Variants in SIRPA observed in about 807,000 individuals in gnomAD.
The protein encoded by SIRPA is signal regulatory protein alpha.
SIRPA carries 9 observed loss-of-function variants against 50.3 expected under a neutral mutation model. The ratio of observed to expected loss-of-function variants is 0.18; its 90% CI spans 0.11 to 0.31. The LOEUF is 0.31. Ranked by LOEUF, SIRPA falls within the 10% of genes least tolerant of loss-of-function variation. The pLI, the probability that SIRPA is intolerant of heterozygous loss-of-function variation, is 1.00. For synonymous variants in SIRPA, 265 were observed against 284.1 expected, an observed-to-expected ratio of 0.93 and a Z score of 0.68; for missense variants, 474 against 661.6, an observed-to-expected ratio of 0.72 and a Z score of 3.11.
At chr20:1,910,846 C>T (rs1349213192) in intron 1 of SIRPA, among the ~76,000 whole-genome samples, 1 of 152,102 alleles carries the variant, frequency 6.6e-6, no homozygotes, top group Non-Finnish European at 1.5e-5. Flanking sequence ...TTGTTTAATA[C>T]CCTCCAGTTG....
chr20:1,918,257 G>A (rs894278775), intron 2 of SIRPA, among the ~76,000 whole-genome samples: 1 of 151,646 alleles, frequency 6.6e-6, no homozygotes, highest in Non-Finnish European at 1.5e-5. Context: ...GGAGTGCAAT[G>A]GCACCATCTC....
intron 1 of SIRPA, among the ~76,000 whole-genome samples, chr20:1,914,367 C>T (rs754561109): frequency 6.6e-6 from 1 of 152,204 alleles, no homozygotes; most frequent in Non-Finnish European, 1.5e-5. Context: ...TGTCCCCAGC[C>T]TTGGCTTATT....
intron 1 of SIRPA, among the ~76,000 whole-genome samples, chr20:1,910,733 A>G (rs542824128): frequency 4.6e-5 from 7 of 152,324 alleles, no homozygotes; most frequent in African/African-American, 1.4e-4. Flanking sequence ...GTGTTCATCC[A>G]ATTTAGAGAA....
chr20:1,908,589 T>C (rs1396967638), intron 1 of SIRPA, among the ~76,000 whole-genome samples: 2 of 152,172 alleles, frequency 1.3e-5, no homozygotes, highest in African/African-American at 4.8e-5. Context: ...ACACTCCTCC[T>C]TGTGCCCACC....
chr20:1,924,578 A>G lies in SIRPA; in HGVS notation c.1088-186A>G, dbSNP rs1433330254. Among the ~76,000 whole-genome samples the G allele has an allele frequency of 6.6e-6, 1 of 152,160 alleles. No homozygotes were observed. Among genetic ancestry groups the G allele is most frequent in the African/African-American group, 2.4e-5 (1 of 41,424 alleles). On this transcript the variant is annotated intron_variant, in intron 4 of 7. Transcript: ENST00000358771. This position sits in a 1 kb window ranked among gnomAD's most constrained non-coding sequence, Gnocchi z 4.5. ...CCTCAGCATGGTTTTTGTGCTGTTC[A>G]TGGATGAGTCTCGTGGGCAAGTGTG...
Position 1,934,762 on chromosome 20 carries a change from C to T in SIRPA, c.1266+8C>T. 6.2e-7 allele frequency: 1 copy of T among 1,613,952 alleles called. No homozygotes were observed. Among genetic ancestry groups the T allele is most frequent in the Non-Finnish European group, 8.5e-7 (1 of 1,179,946 alleles). On this transcript the variant is annotated splice_region_variant and intron_variant, in intron 7 of 7. Transcript: ENST00000358771. The surrounding 1 kb of genome is among the most constrained non-coding windows in gnomAD (Gnocchi z 4.6). ...GCCAGAGAAATAACACAGGTACAGT[C>T]CTTGGTGAGATGCCCTTCCTGGGAA...
chr20:1,918,412 A>G (rs1985440423), intron 2 of SIRPA, among the ~76,000 whole-genome samples: 1 of 127,014 alleles, frequency 7.9e-6, no homozygotes, highest in East Asian at 2.2e-4. Flanking sequence ...TGGTTTCATC[A>G]TGTTGGCCCG....
At chr20:1,910,558 G>A (rs555742318) in intron 1 of SIRPA, among the ~76,000 whole-genome samples, 5 of 152,126 alleles carry the variant, frequency 3.3e-5, no homozygotes, top group South Asian at 2.1e-4. Flanking sequence ...TTTATCGAGC[G>A]TCTACACTGT....
Position 1,937,498 on chromosome 20 carries a change from C to G in SIRPA, c.1445C>G (p.Pro482Arg). The G allele has an allele frequency of 6.2e-7, 1 of 1,614,116 alleles. No individual in the cohort carries two copies. Among genetic ancestry groups the G allele is most frequent in the Non-Finnish European group, 8.5e-7 (1 of 1,180,002 alleles). Reference sequence around the variant, plus strand: ...GACATGGTCCACCTCAACCGGACCCCCAAGCAGCCGGCCCCCAAGCCTGAG... The same window carrying G: ...GACATGGTCCACCTCAACCGGACCCGCAAGCAGCCGGCCCCCAAGCCTGAG... ...DLDMVHLNRT[P>R]KQPAPKPEPS... Residue 482 changes from proline (P) to arginine (R), a missense_variant, in exon 8 of 8, where the codon CCC (proline) becomes CGC (arginine). Physicochemically the swap from Pro to Arg is moderately radical, Grantham distance 103 (BLOSUM62 -2). Around this residue, in one of 4 missense-constraint regions of SIRPA, gnomAD observed 180 missense variants for 206.7 expected, o/e 0.87. Transcript: ENST00000358771. This position sits in a 1 kb window ranked among gnomAD's most constrained non-coding sequence, Gnocchi z 8.3.
rs527904578 is a variant in SIRPA at position 1,931,269 on chromosome 20, C to T, written c.1226+3370C>T. Among the ~76,000 whole-genome samples, 11 of 152,196 alleles carry T rather than the reference C, an allele frequency of 7.2e-5. No individual in the cohort carries two copies. The East Asian group carries it at 1.9e-3, about 27-fold the overall frequency. The stretch of plus-strand genomic sequence containing the variant: ...GTTCCCCAGCCACACTTTGGGAACC[C>T]CTGTTCTAGAAGGTTCTTATTCCCT... On this transcript the variant is annotated intron_variant, in intron 6 of 7. Coordinates refer to ENST00000358771, the MANE Select transcript of SIRPA (RefSeq NM_001040023.2).
At chr20:1,912,152 A>G (rs1326768581) in intron 1 of SIRPA, among the ~76,000 whole-genome samples, 2 of 151,626 alleles carry the variant, frequency 1.3e-5, no homozygotes, top group Non-Finnish European at 2.9e-5. Context: ...GCGCTACACA[A>G]CTCCAGATTT....
intron 2 of SIRPA, among the ~76,000 whole-genome samples, chr20:1,921,061 CAGTT>C (rs1985617839): frequency 6.6e-6 from 1 of 152,206 alleles, no homozygotes; most frequent in Non-Finnish European, 1.5e-5. Context: ...AGGGTAGAAA[CAGTT>C]AATACCAAGG....
rs1054255492 is a variant in SIRPA at position 1,898,134 on chromosome 20, C to A, written c.79+2608C>A. 1.3e-5 allele frequency among the ~76,000 whole-genome samples: 2 copies of A among 152,236 alleles called. No individual in the cohort carries two copies. Among genetic ancestry groups the A allele is most frequent in the African/African-American group, 2.4e-5 (1 of 41,460 alleles). ...GAGGAGGCCAAGCCAAGTTGCAGTT[C>A]AGGCTCTGGGGAGCAGCGGGGCCCC... On this transcript the variant is annotated intron_variant, in intron 1 of 7. Coordinates refer to ENST00000358771, the MANE Select transcript of SIRPA (RefSeq NM_001040023.2). The surrounding 1 kb of genome is among the most constrained non-coding windows in gnomAD (Gnocchi z 4.3).
chr20:1,895,913 T>TC (rs919179710), intron 1 of SIRPA, among the ~76,000 whole-genome samples: 3 of 152,196 alleles, frequency 2.0e-5, no homozygotes, highest in African/African-American at 7.2e-5. Context: ...CATACGACTT[T>TC]CCACATGTTT....
Position 1,928,050 on chromosome 20 carries a change from G to A in SIRPA, c.1226+151G>A, listed in dbSNP as rs1031776705. 10 of 752,818 alleles carry A rather than the reference G, an allele frequency of 1.3e-5. No individual in the cohort carries two copies. The highest frequency in any genetic ancestry group is 1.0e-4 in the African/African-American group (6 of 57,154). The allele number at this position is 752,818 out of a possible 1,614,324, so 46.6% of individuals were successfully genotyped here. A position where few individuals can be genotyped will look rare whatever the true frequency, so the allele number is the denominator to read the frequency against. The stretch of plus-strand genomic sequence containing the variant: ...CTCCTTTGTAACCTCCTCACACTGG[G>A]TCACGCTGTTTTTAATTATTGTCCC... On this transcript the variant is annotated intron_variant, in intron 6 of 7. Transcript: ENST00000358771. This position sits in a 1 kb window ranked among gnomAD's most constrained non-coding sequence, Gnocchi z 4.9.
chr20:1,904,780 C>T (rs1003628605), intron 1 of SIRPA, among the ~76,000 whole-genome samples: 6 of 152,172 alleles, frequency 3.9e-5, no homozygotes, highest in African/African-American at 9.7e-5. Context: ...AGGCTTGGCT[C>T]GGCTCCTCTC....
Position 1,937,461 on chromosome 20 carries a change from T to C in SIRPA, c.1408T>C (p.Tyr470His). 6.2e-7 allele frequency: 1 copy of C among 1,614,070 alleles called. No individual in the cohort carries two copies. Among genetic ancestry groups the C allele is most frequent in the East Asian group, 2.2e-5 (1 of 44,862 alleles). Reference sequence around the variant, plus strand: ...GCCCGCGTCGGAGGACACCCTCACCTATGCTGACCTGGACATGGTCCACCT... The same window carrying C: ...GCCCGCGTCGGAGGACACCCTCACCCATGCTGACCTGGACATGGTCCACCT... Reference protein sequence around the residue: ...PQPASEDTLTYADLDMVHLNR... With the variant: ...PQPASEDTLTHADLDMVHLNR... Residue 470 changes from tyrosine to histidine, a missense_variant, in exon 8 of 8, where the codon TAT (tyrosine) becomes CAT (histidine). Around this residue, in one of 4 missense-constraint regions of SIRPA, gnomAD observed 180 missense variants for 206.7 expected, o/e 0.87. Coordinates refer to ENST00000358771, the MANE Select transcript of SIRPA (RefSeq NM_001040023.2). This position sits in a 1 kb window ranked among gnomAD's most constrained non-coding sequence, Gnocchi z 8.3.
At chr20:1,899,696 C>T (rs112557904) in intron 1 of SIRPA, among the ~76,000 whole-genome samples, 1,648 of 152,256 alleles carry the variant, frequency 0.011, 28 homozygotes, top group African/African-American at 0.038. Flanking sequence ...AGCCTCTCCA[C>T]GCAGACACAC....
In SIRPA at chr20:1,924,461, C is replaced by T. The variant is rs1045225754; in HGVS notation, c.1088-303C>T. Among the ~76,000 whole-genome samples the T allele has an allele frequency of 5.3e-5, 8 of 152,300 alleles. No homozygotes were observed. The highest frequency in any genetic ancestry group is 8.8e-5 in the Non-Finnish European group (6 of 68,026). Reference sequence around the variant, plus strand: ...GTGGTTCACTCCAGATGAGAAGGAACGTTTCTGTTCCTCAGGAGTGAGATT... The same window carrying T: ...GTGGTTCACTCCAGATGAGAAGGAATGTTTCTGTTCCTCAGGAGTGAGATT... On this transcript the variant is annotated intron_variant, in intron 4 of 7. Coordinates refer to ENST00000358771, the MANE Select transcript of SIRPA (RefSeq NM_001040023.2). The surrounding 1 kb of genome is among the most constrained non-coding windows in gnomAD (Gnocchi z 4.5).
Sources: gnomAD v4.1 joint callset for allele counts (sites outside exome capture counted in the v4.1 genomes callset) on GRCh38, gnomAD v4.1.1 for gene constraint, gnomAD v4.1.1 regional missense constraint, Gnocchi (gnomAD v3.1) non-coding constraint, MANE v1.5 for transcripts, NCBI Gene and HGNC (gene_info 2026-07-23, HGNC 2026-07-21) for gene names.